The following PLEK2 variants were observed in gnomAD, a reference collection of about 807,000 sequenced individuals.
The protein encoded by PLEK2 is pleckstrin 2.
A neutral mutation model predicts 43.8 loss-of-function variants in PLEK2; 29 were observed. The ratio of observed to expected loss-of-function variants is 0.66; its 90% CI spans 0.49 to 0.90. The LOEUF is 0.90. Among genes scored for constraint, PLEK2 ranks in the 40% least tolerant of loss-of-function variants. The probability of loss-of-function intolerance (pLI) is 0.00; values close to 1 mark genes in which losing one functional copy is unlikely to be tolerated. For missense variants in PLEK2, 398 were observed against 448.1 expected (o/e 0.89, Z 1.01); for synonymous variants, 162 against 173.2 (o/e 0.94, Z 0.51).
intron 1 of PLEK2, among the ~76,000 whole-genome samples, chr14:67,400,799 G>A (rs2086042914): frequency 6.6e-6 from 1 of 152,036 alleles, no homozygotes; most frequent in Non-Finnish European, 1.5e-5. Flanking sequence ...ACTAGCCTGG[G>A]CAACATAGTG....
In PLEK2 at chr14:67,390,722, C is replaced by T. The variant is rs1473797557; in HGVS notation, c.796G>A (p.Val266Met). Residue 266 changes from valine to methionine, a missense_variant, in exon 7 of 9, where the codon GTG becomes ATG. Physicochemically the swap from Val to Met is conservative, Grantham distance 21. Transcript: ENST00000216446. ...KQGHKRKNWK[V>M]RRFVLRKDPA... ...TCCTTCCTTAGAACAAAGCGACGCA[C>T]CTTCCAGTTTTTCCTCTTGTGTCCC... 1 of 1,613,684 alleles carries T rather than the reference C, an allele frequency of 6.2e-7. No homozygotes were observed. Among genetic ancestry groups the T allele is most frequent in the Admixed American group, 1.7e-5 (1 of 60,028 alleles).
chr14:67,402,306 A>C (rs1449000589), intron 1 of PLEK2, among the ~76,000 whole-genome samples: 2 of 152,134 alleles, frequency 1.3e-5, no homozygotes, highest in Non-Finnish European at 2.9e-5. Context: ...TGGGTACATA[A>C]TAAGTATATA....
In PLEK2 at chr14:67,397,838, C is replaced by G. The variant is rs774562645; in HGVS notation, c.43-12G>C. 1.3e-6 allele frequency: 2 copies of G among 1,599,574 alleles called. No homozygotes were observed. The highest frequency in any genetic ancestry group is 1.3e-5 in the African/African-American group (1 of 74,716). On this transcript the variant is annotated splice_polypyrimidine_tract_variant and intron_variant, in intron 1 of 8. Coordinates refer to ENST00000216446, the MANE Select transcript of PLEK2 (RefSeq NM_016445.3). ...TGGACAATGTGGCCCTATGGACAGA[C>G]AAGAAAGCCCTGAGGTGAGGCGGTC...
chr14:67,389,659 T>C (rs939412184), intron 7 of PLEK2, among the ~76,000 whole-genome samples: 1 of 152,116 alleles, frequency 6.6e-6, no homozygotes, highest in Non-Finnish European at 1.5e-5. Flanking sequence ...TGTGTGTATA[T>C]ATTTTCTCAG....
At chr14:67,394,416 G>A (rs1179689304) in intron 3 of PLEK2, among the ~76,000 whole-genome samples, 1 of 151,970 alleles carries the variant, frequency 6.6e-6, no homozygotes, top group Non-Finnish European at 1.5e-5. Flanking sequence ...AAACAAAAAA[G>A]CCCCAAGAGT....
At chr14:67,398,213 T>G (rs948076329) in intron 1 of PLEK2, among the ~76,000 whole-genome samples, 23 of 143,600 alleles carry the variant, frequency 1.6e-4, no homozygotes, top group African/African-American at 6.1e-4. Context: ...ATAGTTTTAT[T>G]TTCTAGTTTT....
intron 1 of PLEK2, among the ~76,000 whole-genome samples, chr14:67,398,551 T>G (rs182569300): frequency 6.6e-4 from 92 of 139,834 alleles, no homozygotes; most frequent in Admixed American, 2.6e-3. Context: ...CCAACTAAAC[T>G]ACCCTTCTCT....
chr14:67,389,564 G>A (rs191437542), intron 7 of PLEK2, among the ~76,000 whole-genome samples: 50 of 152,116 alleles, frequency 3.3e-4, no homozygotes, highest in Non-Finnish European at 6.3e-4. Flanking sequence ...ATGTATATGA[G>A]CATTTGTGCA....
In PLEK2 at chr14:67,387,475, G is replaced by A; in HGVS notation, c.935-19C>T. ...TTAACCCCTAGGCAGAAAAAAGGGG[G>A]AAAAAAATCAGTGATTGAATAGCCA... is the stretch of plus-strand genomic sequence containing the variant. On this transcript the variant is annotated intron_variant, in intron 8 of 8. Transcript: ENST00000216446. The A allele has an allele frequency of 6.3e-7, 1 of 1,591,632 alleles. No individual in the cohort carries two copies. Among genetic ancestry groups the A allele is most frequent in the South Asian group, 1.2e-5 (1 of 86,556 alleles).
intron 1 of PLEK2, among the ~76,000 whole-genome samples, chr14:67,409,521 G>A (rs764583868): frequency 2.0e-5 from 3 of 152,220 alleles, no homozygotes; most frequent in Non-Finnish European, 4.4e-5. Flanking sequence ...GAGCCCAGCA[G>A]GAACGCCCGG....
intron 2 of PLEK2, among the ~76,000 whole-genome samples, chr14:67,396,739 C>T (rs1173492768): frequency 1.3e-5 from 2 of 152,238 alleles, no homozygotes; most frequent in Non-Finnish European, 2.9e-5. Context: ...TATCTTTTTC[C>T]TCTTCAGGGA....
chr14:67,408,430 G>C (rs1300769014), intron 1 of PLEK2, among the ~76,000 whole-genome samples: 2 of 152,114 alleles, frequency 1.3e-5, no homozygotes, highest in Non-Finnish European at 2.9e-5. Context: ...ATACACTGAA[G>C]TCCTAACCTC....
At chr14:67,409,943 T>TATC (rs2086106196) in intron 1 of PLEK2, among the ~76,000 whole-genome samples, 1 of 152,168 alleles carries the variant, frequency 6.6e-6, no homozygotes, top group African/African-American at 2.4e-5. Flanking sequence ...TCTGGGGCCC[T>TATC]ATCCTTCAGC....
chr14:67,393,001 G>A (rs1385833792), intron 4 of PLEK2, 149 bp downstream of exon 4: 2 of 863,752 alleles, frequency 2.3e-6, no homozygotes, highest in Admixed American at 4.1e-5. Context: ...TAGAGCCGTG[G>A]CTGCACACCC....
chr14:67,408,701 T>C (rs1171900279), intron 1 of PLEK2, among the ~76,000 whole-genome samples: 1 of 152,190 alleles, frequency 6.6e-6, no homozygotes, highest in East Asian at 1.9e-4. Context: ...GATCCTCCTC[T>C]ACAAGTTTCA....
At chr14:67,391,271 A>ATGTGTG (rs61156733) in intron 6 of PLEK2, among the ~76,000 whole-genome samples, 6,605 of 143,834 alleles carry the variant, frequency 0.046, 222 homozygotes, top group African/African-American at 0.098. Context: ...AGCAGCTGAT[A>ATGTGTG]TGTGTGTGTG....
intron 1 of PLEK2, among the ~76,000 whole-genome samples, chr14:67,401,015 AATAGT>A (rs914677040): frequency 1.6e-4 from 25 of 151,922 alleles, no homozygotes; most frequent in Non-Finnish European, 3.2e-4. Context: ...TAATAATAAT[AATAGT>A]ATGGGATGCA....
In PLEK2 at chr14:67,392,232, A is replaced by G. The variant is rs1014433070; in HGVS notation, c.771+94T>C. The G allele has an allele frequency of 6.9e-6, 6 of 863,488 alleles. No homozygotes were observed. The African/African-American group carries it at 8.3e-5, about 12-fold the overall frequency. The allele number at this position is 863,488 out of a possible 1,614,324, so 53.5% of individuals were successfully genotyped here. On this transcript the variant is annotated intron_variant, in intron 6 of 8. Coordinates refer to ENST00000216446, the MANE Select transcript of PLEK2 (RefSeq NM_016445.3). ...GATTTTGCTGTAATTGGTGCCCTCC[A>G]GCAGCCTCAGCCCTTCCCTTCTTCT... is the stretch of plus-strand genomic sequence containing the variant.
At chr14:67,401,131 T>C (rs1185540230) in intron 1 of PLEK2, among the ~76,000 whole-genome samples, 2 of 152,024 alleles carry the variant, frequency 1.3e-5, no homozygotes, top group African/African-American at 4.8e-5. Flanking sequence ...AAAGAGGGAA[T>C]TAAATTAAAA....
Sources: allele counts gnomAD v4.1 joint callset (sites outside exome capture counted in the v4.1 genomes callset), GRCh38; gene constraint gnomAD v4.1.1; transcripts MANE v1.5; gene names NCBI Gene and HGNC (gene_info 2026-07-23, HGNC 2026-07-21).